NRXN1: variants seen among roughly 807,000 people sequenced by gnomAD.
The protein encoded by NRXN1 is neurexin-1.
Under a neutral mutation model 150.9 loss-of-function variants are expected in NRXN1, and 39 were observed. That is an observed-to-expected ratio of 0.26 (90% confidence interval 0.20 to 0.34). NRXN1 has a LOEUF of 0.34. Among genes scored for constraint, NRXN1 ranks in the 10% least tolerant of loss-of-function variants. NRXN1 has a pLI of 1.00. For synonymous variants in NRXN1, 924 were observed against 757.0 expected, an observed-to-expected ratio of 1.22 and a Z score of -3.62; for missense variants, 1,815 against 1,949.9, an observed-to-expected ratio of 0.93 and a Z score of 1.30.
intron 17 of NRXN1, among the ~76,000 whole-genome samples, chr2:50,364,586 A>T (rs2079453697): frequency 6.6e-6 from 1 of 152,128 alleles, no homozygotes; most frequent in Non-Finnish European, 1.5e-5. Context: ...GTATAATCAC[A>T]GTTGTCCAAT....
At chr2:50,601,202 A>C (rs1424271044) in intron 8 of NRXN1, among the ~76,000 whole-genome samples, 5 of 152,178 alleles carry the variant, frequency 3.3e-5, no homozygotes, top group Non-Finnish European at 7.3e-5. Flanking sequence ...TTCTAGTGTT[A>C]ACATTTTAAG....
At chr2:50,645,957 T>C (rs1337541988) in intron 5 of NRXN1, among the ~76,000 whole-genome samples, 1 of 151,906 alleles carries the variant, frequency 6.6e-6, no homozygotes, top group East Asian at 1.9e-4. Context: ...GAAACTGAAA[T>C]GTGCCTTGAG....
intron 5 of NRXN1, among the ~76,000 whole-genome samples, chr2:50,665,258 T>G (rs1687862229): frequency 6.6e-6 from 1 of 151,962 alleles, no homozygotes; most frequent in Non-Finnish European, 1.5e-5. Flanking sequence ...CTATCTACTA[T>G]CTAAGAAGGG....
At chr2:50,586,520 A>C (rs1361883669) in intron 8 of NRXN1, among the ~76,000 whole-genome samples, 1 of 152,126 alleles carries the variant, frequency 6.6e-6, no homozygotes, top group African/African-American at 2.4e-5. Flanking sequence ...GCACATATTA[A>C]ATTTTTTAAT....
At chr2:50,475,122 C>G (rs1010526511) in intron 15 of NRXN1, among the ~76,000 whole-genome samples, 2 of 152,074 alleles carry the variant, frequency 1.3e-5, no homozygotes, top group African/African-American at 4.8e-5. Flanking sequence ...TAGAAAATTT[C>G]AGCTCTCCTC....
chr2:50,745,728 C>A (rs1028806500), intron 5 of NRXN1, among the ~76,000 whole-genome samples: 9 of 151,952 alleles, frequency 5.9e-5, no homozygotes, highest in African/African-American at 2.2e-4. Context: ...GACAGAAGAA[C>A]GAGAACCGAT....
intron 17 of NRXN1, among the ~76,000 whole-genome samples, chr2:50,397,273 C>T (rs2082111212): frequency 6.6e-6 from 1 of 152,106 alleles, no homozygotes. Context: ...GACGCTGCTG[C>T]TCTACCCAGT....
At chr2:50,783,117 T>C (rs978684349) in intron 5 of NRXN1, among the ~76,000 whole-genome samples, 1 of 152,160 alleles carries the variant, frequency 6.6e-6, no homozygotes, top group Non-Finnish European at 1.5e-5. Flanking sequence ...AGATCATGCA[T>C]GTAGTAAACA....
intron 2 of NRXN1, among the ~76,000 whole-genome samples, chr2:51,008,454 T>C (rs1470349492): frequency 4.0e-5 from 6 of 151,896 alleles, no homozygotes; most frequent in Non-Finnish European, 7.4e-5. Context: ...TTTTCCTAAA[T>C]ACAAAATGAA....
intron 17 of NRXN1, among the ~76,000 whole-genome samples, chr2:50,314,623 AT>A (rs11289257): frequency 0.4 from 60,706 of 151,684 alleles, 14,195 homozygotes; most frequent in African/African-American, 0.65. Context: ...AAATGTCATT[AT>A]TTTTTTAATG....
intron 17 of NRXN1, among the ~76,000 whole-genome samples, chr2:50,363,644 G>A (rs1040560417): frequency 2.6e-5 from 4 of 152,184 alleles, no homozygotes; most frequent in Non-Finnish European, 5.9e-5. Context: ...CTGTTGGTGG[G>A]AGTATAAATT....
intron 17 of NRXN1, among the ~76,000 whole-genome samples, chr2:50,436,083 T>C (rs909796977): frequency 3.3e-5 from 5 of 152,092 alleles, no homozygotes; most frequent in Admixed American, 2.6e-4. Flanking sequence ...AAAGAAAATT[T>C]TGAAAAAGAA....
Position 51,028,614 on chromosome 2 carries a change from T to C in NRXN1, c.-341A>G. On this transcript the variant is annotated 5_prime_UTR_variant, in exon 2 of 23. Coordinates refer to ENST00000401669, the MANE Select transcript of NRXN1 (RefSeq NM_001330078.2). ...GGGAAAGCACTGACCCATTTGAGTC[T>C]GATTAACTAATTTAAGAGTATCTGC... 1 of 257,716 alleles carries C rather than the reference T, an allele frequency of 3.9e-6. No homozygotes were observed. The highest frequency in any genetic ancestry group is 7.3e-6 in the Non-Finnish European group (1 of 137,118). The allele number at this position is 257,716 out of a possible 1,614,324, so 16.0% of individuals were successfully genotyped here.
At chr2:49,950,654 G>A (rs1045300180) in intron 21 of NRXN1, among the ~76,000 whole-genome samples, 3 of 151,806 alleles carry the variant, frequency 2.0e-5, no homozygotes, top group Non-Finnish European at 2.9e-5. Flanking sequence ...TATTTTTCTC[G>A]GAATGTAACA....
intron 18 of NRXN1, among the ~76,000 whole-genome samples, chr2:50,201,387 A>G (rs2062151883): frequency 6.6e-6 from 1 of 152,186 alleles, no homozygotes; most frequent in Non-Finnish European, 1.5e-5. Context: ...GGACAATAGT[A>G]TGGTTAGGAT....
intron 9 of NRXN1, among the ~76,000 whole-genome samples, chr2:50,542,473 T>C (rs368806354): frequency 5.9e-5 from 9 of 152,318 alleles, no homozygotes; most frequent in African/African-American, 2.2e-4. Context: ...CATTGGAATA[T>C]TATGCAAACA....
intron 17 of NRXN1, among the ~76,000 whole-genome samples, chr2:50,408,373 T>C (rs2082902243): frequency 6.6e-6 from 1 of 152,210 alleles, no homozygotes; most frequent in Admixed American, 6.5e-5. Flanking sequence ...CTCTAGGCAG[T>C]GTTTCTATCT....
chr2:50,824,375 A>C (rs1181832464), intron 5 of NRXN1, among the ~76,000 whole-genome samples: 1 of 152,050 alleles, frequency 6.6e-6, no homozygotes, highest in Non-Finnish European at 1.5e-5. Flanking sequence ...TAGATCTTAA[A>C]TACTTAAAGG....
chr2:50,061,072 T>G (rs1013242261), intron 19 of NRXN1, among the ~76,000 whole-genome samples: 35 of 152,302 alleles, frequency 2.3e-4, no homozygotes, highest in African/African-American at 8.2e-4. Context: ...CCTCATGATT[T>G]TCATAAAAAT....
Sources: allele counts gnomAD v4.1 joint callset (sites outside exome capture counted in the v4.1 genomes callset), GRCh38; gene constraint gnomAD v4.1.1; transcripts MANE v1.5; gene names NCBI Gene and HGNC (gene_info 2026-07-23, HGNC 2026-07-21).